Variants in SBNO2 observed in about 807,000 individuals in gnomAD.
The protein encoded by SBNO2 is strawberry notch homolog 2.
A neutral mutation model predicts 146.3 loss-of-function variants in SBNO2; 89 were observed. The observed-to-expected ratio is 0.61, with a 90% CI of 0.51 to 0.73. The LOEUF is 0.73. Ranked by LOEUF, SBNO2 falls within the 30% of genes least tolerant of loss-of-function variation. SBNO2 has a pLI of 0.00. For missense variants in SBNO2, 2,092 were observed against 2,003.7 expected, an observed-to-expected ratio of 1.04 and a Z score of -0.84; for synonymous variants, 1,147 against 892.6, an observed-to-expected ratio of 1.29 and a Z score of -5.08.
intron 11 of SBNO2, 92 bp from the exon 12 acceptor site, chr19:1,120,115 G>T (rs913720223): frequency 6.0e-6 from 6 of 1,006,476 alleles, no homozygotes; most frequent in African/African-American, 3.3e-5. Context: ...CCTTCCTGGT[G>T]GGGGGCAAAC....
At chr19:1,134,042 G>C (rs934292422) in intron 4 of SBNO2, among the ~76,000 whole-genome samples, 10 of 151,888 alleles carry the variant, frequency 6.6e-5, no homozygotes, top group African/African-American at 9.7e-5. Context: ...CTCAAGGGTG[G>C]ACTCACAGCT....
At chr19:1,143,108 A>G (rs923290033) in intron 4 of SBNO2, among the ~76,000 whole-genome samples, 3 of 152,204 alleles carry the variant, frequency 2.0e-5, no homozygotes, top group African/African-American at 7.2e-5. Context: ...GAATGCACAC[A>G]TGCCACAGGT....
chr19:1,123,123 G>A (rs1568578873), intron 7 of SBNO2, 78 bp from the exon 8 acceptor site: 1 of 1,506,600 alleles, frequency 6.6e-7, no homozygotes, highest in Non-Finnish European at 8.9e-7. Flanking sequence ...ACGCTGGGCG[G>A]GTCTGGGGCG....
intron 1 of SBNO2, among the ~76,000 whole-genome samples, chr19:1,168,302 T>G (rs1382599753): frequency 1.3e-5 from 2 of 151,926 alleles, no homozygotes; most frequent in Non-Finnish European, 2.9e-5. Context: ...TTCCAGGATC[T>G]GATAAAAGCC....
chr19:1,170,682 C>T (rs573962283), intron 1 of SBNO2, among the ~76,000 whole-genome samples: 4 of 152,136 alleles, frequency 2.6e-5, no homozygotes, highest in East Asian at 1.9e-4. Context: ...ACAAAACACA[C>T]GTGCACAAGA....
chr19:1,127,576 G>T (rs1433359875), intron 5 of SBNO2, 28 bp downstream of exon 5: 1 of 1,605,564 alleles, frequency 6.2e-7, no homozygotes, highest in East Asian at 2.2e-5. Flanking sequence ...GTGGGTCGGG[G>T]CTGGCTGGGG....
At position 1,116,810 on chromosome 19, in the gene SBNO2, T is replaced by G; in HGVS notation, c.1802+19A>C. 1.3e-6 allele frequency: 2 copies of G among 1,564,706 alleles called. No individual in the cohort carries two copies. The highest frequency in any genetic ancestry group is 1.7e-6 in the Non-Finnish European group (2 of 1,155,456). On this transcript the variant is annotated intron_variant, in intron 16 of 31. Coordinates refer to ENST00000361757, the MANE Select transcript of SBNO2 (RefSeq NM_014963.3). ...TGAGCGCAGGAAGCCCACAGTCCTG[T>G]CCCCACCGTGACACTTACTCAGCGG...
Position 1,114,383 on chromosome 19 carries a change from G to T in SBNO2, c.1925C>A (p.Ala642Glu). The T allele has an allele frequency of 6.4e-7, 1 of 1,552,118 alleles. No individual in the cohort carries two copies. The highest frequency in any genetic ancestry group is 2.4e-5 in the East Asian group (1 of 41,190). ...RGRGAKAPRLACETAGVIRIS... is the reference protein window; with the variant it reads ...RGRGAKAPRLECETAGVIRIS... Reference sequence around the variant, plus strand: ...GCGGATGACGCCCGCTGTCTCGCACGCCAGCCGGGGGGCTTTGGCCCCGCG... The same window carrying T: ...GCGGATGACGCCCGCTGTCTCGCACTCCAGCCGGGGGGCTTTGGCCCCGCG... Residue 642 changes from alanine to glutamate, a missense_variant, in exon 18 of 32, where the codon GCG becomes GAG. Physicochemically the swap from Ala to Glu is moderately radical, Grantham distance 107. Coordinates refer to ENST00000361757, the MANE Select transcript of SBNO2 (RefSeq NM_014963.3).
Position 1,144,416 on chromosome 19 carries a change from G to T in SBNO2, c.279+2893C>A, listed in dbSNP as rs2080167200. Among the ~76,000 whole-genome samples the T allele has an allele frequency of 6.6e-6, 1 of 152,198 alleles. No homozygotes were observed. The highest frequency in any genetic ancestry group is 6.5e-5 in the Admixed American group (1 of 15,278). ...GTAGGCAGGGTGGGCAGGGAGCCGG[G>T]CGGGCGGTGCTCACAGAACCAGCAC... On this transcript the variant is annotated intron_variant, in intron 4 of 31. Coordinates refer to ENST00000361757, the MANE Select transcript of SBNO2 (RefSeq NM_014963.3). This position sits in a 1 kb window ranked among gnomAD's most constrained non-coding sequence, Gnocchi z 4.1.
At chr19:1,111,969 C>G in intron 23 of SBNO2, 27 bp downstream of exon 23, 2 of 1,603,278 alleles carry the variant, frequency 1.2e-6, no homozygotes, top group Non-Finnish European at 1.7e-6. Context: ...CCTGCCCCGC[C>G]CCCCAACCCT....
In SBNO2 at chr19:1,122,783, C is replaced by T; in HGVS notation, c.789G>A (p.Glu263=). ...EAITYACQQH[E]VLLPSGQRAG... ...CGCGCTGCCCGCTGGGGAGCAGGACCTCGTGTTGCTGTTGCCGGAGAGCAG... is the reference window on the plus strand; with the variant it reads ...CGCGCTGCCCGCTGGGGAGCAGGACTTCGTGTTGCTGTTGCCGGAGAGCAG... Residue 263 remains glutamate, a synonymous_variant, in exon 9 of 32, where the codon GAG becomes GAA. Coordinates refer to ENST00000361757, the MANE Select transcript of SBNO2 (RefSeq NM_014963.3). The T allele has an allele frequency of 2.6e-6, 4 of 1,538,006 alleles. No individual in the cohort carries two copies. Among genetic ancestry groups the T allele is most frequent in the Non-Finnish European group, 3.5e-6 (4 of 1,146,376 alleles).
Position 1,140,672 on chromosome 19 carries a change from G to T in SBNO2, c.279+6637C>A, listed in dbSNP as rs1013289587. On this transcript the variant is annotated intron_variant, in intron 4 of 31. Transcript: ENST00000361757. The surrounding 1 kb of genome is among the most constrained non-coding windows in gnomAD (Gnocchi z 4.4). ...GTGGGGGTCCCACACAGACCCAGCC[G>T]TCAGCAGGAGAAGGCACACGGAAAA... is the stretch of plus-strand genomic sequence containing the variant. 6.6e-6 allele frequency among the ~76,000 whole-genome samples: 1 copy of T among 152,218 alleles called. No homozygotes were observed. The highest frequency in any genetic ancestry group is 2.4e-5 in the African/African-American group (1 of 41,452).
chr19:1,111,216 C>T, intron 24 of SBNO2, 123 bp from the exon 25 acceptor site: 4 of 1,049,400 alleles, frequency 3.8e-6, no homozygotes, highest in Non-Finnish European at 5.4e-6. Flanking sequence ...AGCCTAGGGC[C>T]AGGGCCAGGG....
chr19:1,115,483 C>T (rs1447725520), intron 17 of SBNO2: 3 of 153,892 alleles, frequency 1.9e-5, no homozygotes, highest in Non-Finnish European at 2.9e-5. Context: ...TCAGGTGATC[C>T]ACCCGCCTCG....
In SBNO2 at chr19:1,109,517, G is replaced by A. The variant is rs1439402457; in HGVS notation, c.3205C>T (p.Leu1069Phe). 8.1e-6 allele frequency: 13 copies of A among 1,598,890 alleles called. No individual in the cohort carries two copies. Among genetic ancestry groups the A allele is most frequent in the Non-Finnish European group, 9.4e-6 (11 of 1,174,044 alleles). ...ALTGPYDGFY[L>F]SYKVRGNKPS... ...CCGCCCGACCCCACCTTGTAGGAGA[G>A]GTAGAAGCCGTCATAGGGGCCCGTC... is the stretch of plus-strand genomic sequence containing the variant. Residue 1069 changes from leucine to phenylalanine, a missense_variant, in exon 28 of 32, where the codon CTC (leucine) becomes TTC (phenylalanine). Transcript: ENST00000361757. This position sits in a 1 kb window ranked among gnomAD's most constrained non-coding sequence, Gnocchi z 4.2.
In SBNO2 at chr19:1,158,651, A is replaced by G. The variant is rs370919018; in HGVS notation, c.-126-4249T>C. On this transcript the variant is annotated intron_variant, in intron 1 of 31. Coordinates refer to ENST00000361757, the MANE Select transcript of SBNO2 (RefSeq NM_014963.3). The surrounding 1 kb of genome is among the most constrained non-coding windows in gnomAD (Gnocchi z 9.9). ...GGCGAGGCCCGGGCGAGCGGGCGCG[A>G]CCGTGGTGATGGAGCCCGGCAGAGG... is the stretch of plus-strand genomic sequence containing the variant. Among the ~76,000 whole-genome samples, 436 of 152,260 alleles carry G rather than the reference A, an allele frequency of 2.9e-3. 2 individuals are homozygous for G. Among genetic ancestry groups the G allele is most frequent in the African/African-American group, 0.01 (422 of 41,544 alleles).
intron 4 of SBNO2, chr19:1,131,998 C>T (rs2145254771): frequency 1.0e-6 from 1 of 958,280 alleles, no homozygotes; most frequent in Non-Finnish European, 1.5e-6. Context: ...ATGCCGGCTG[C>T]TCCGGCAGGG....
rs866927135 is a variant in SBNO2 at position 1,136,092 on chromosome 19, G to A, written c.280-8327C>T. On this transcript the variant is annotated intron_variant, in intron 4 of 31. Transcript: ENST00000361757. The surrounding 1 kb of genome is among the most constrained non-coding windows in gnomAD (Gnocchi z 4.2). ...CCTCATTCGAAGGAGACACAGTCCC[G>A]GGGAGGAGGCCACGGGACACAGAAG... 1.3e-5 allele frequency among the ~76,000 whole-genome samples: 2 copies of A among 152,118 alleles called. No homozygotes were observed. Among genetic ancestry groups the A allele is most frequent in the African/African-American group, 2.4e-5 (1 of 41,438 alleles).
intron 4 of SBNO2, among the ~76,000 whole-genome samples, chr19:1,138,267 C>T (rs1266010645): frequency 6.7e-6 from 1 of 148,932 alleles, no homozygotes. Flanking sequence ...GGACACTCAC[C>T]CCACACAGAA....
Sources: allele counts gnomAD v4.1 joint callset (sites outside exome capture counted in the v4.1 genomes callset), GRCh38; gene constraint gnomAD v4.1.1; non-coding constraint Gnocchi (gnomAD v3.1); transcripts MANE v1.5; gene names NCBI Gene and HGNC (gene_info 2026-07-23, HGNC 2026-07-21).